PKHD1L1: variants seen among roughly 807,000 people sequenced by gnomAD.
PKHD1L1 encodes PKHD1 like 1, also known as fibrocystin-L.
Under a neutral mutation model 462.9 loss-of-function variants are expected in PKHD1L1, and 434 were observed. The ratio of observed to expected loss-of-function variants is 0.94; its 90% CI spans 0.87 to 1.02. The LOEUF (loss-of-function observed/expected upper bound fraction) is 1.02. Among genes scored for constraint, PKHD1L1 ranks in the 50% least tolerant of loss-of-function variants. PKHD1L1 has a pLI of 0.00. For synonymous variants in PKHD1L1, 1,781 were observed against 1,750.0 expected (o/e 1.02, Z -0.44); for missense variants, 5,202 against 5,096.1 (o/e 1.02, Z -0.63).
In PKHD1L1 at chr8:109,445,329, C is replaced by A. The variant is rs1416888167; in HGVS notation, c.5460C>A (p.Gly1820=). 1.2e-6 allele frequency: 2 copies of A among 1,613,976 alleles called. No homozygotes were observed. The highest frequency in any genetic ancestry group is 2.2e-5 in the South Asian group (2 of 91,076). Residue 1820 remains glycine, a synonymous_variant, in exon 38 of 78, where the codon GGC becomes GGA. Transcript: ENST00000378402. ...TTAGTGTTGTGGTGGGAAGTAAAGG[C>A]TTGGCTCTGGGAAACCTGACTGTCA... ...HSVSVVVGSK[G]LALGNLTVSS...
intron 76 of PKHD1L1, among the ~76,000 whole-genome samples, chr8:109,523,922 A>G (rs888952060): frequency 2.0e-5 from 3 of 152,208 alleles, no homozygotes; most frequent in African/African-American, 7.2e-5. Flanking sequence ...GTGATTTTTC[A>G]GAAAGTGTGC....
At chr8:109,480,256 C>G (rs1248809461) in intron 55 of PKHD1L1, 117 bp downstream of exon 55, 2 of 1,096,504 alleles carry the variant, frequency 1.8e-6, no homozygotes, top group Non-Finnish European at 2.6e-6. Flanking sequence ...ACAACTGGCT[C>G]TATCCCATTA....
At chr8:109,453,982 G>A (rs562094379) in intron 43 of PKHD1L1, among the ~76,000 whole-genome samples, 185 bp from the exon 44 acceptor site, 2 of 152,160 alleles carry the variant, frequency 1.3e-5, no homozygotes, top group East Asian at 1.9e-4. Flanking sequence ...GAGTTTTTAT[G>A]CTTTTATGTT....
chr8:109,423,439 G>A (rs1276404080), intron 23 of PKHD1L1, among the ~76,000 whole-genome samples: 1 of 152,064 alleles, frequency 6.6e-6, no homozygotes, highest in Non-Finnish European at 1.5e-5. Context: ...TCATATTTGT[G>A]TGGGCATATT....
intron 4 of PKHD1L1, among the ~76,000 whole-genome samples, chr8:109,383,424 A>T (rs530568171): frequency 1.0e-3 from 127 of 121,838 alleles, no homozygotes; most frequent in African/African-American, 3.5e-3. Context: ...TATTATATAT[A>T]ATATATAATA....
At position 109,436,388 on chromosome 8, in the gene PKHD1L1, G is replaced by A; in HGVS notation, c.3556G>A (p.Val1186Ile). ...ATTTGGCTTTAATGAAAATTCAAAG[G>A]TATTAGTTGGAAATGAAACCTGCAA... ...SGFGFNENSK[V>I]LVGNETCNVI... Residue 1186 changes from valine (V) to isoleucine (I), a missense_variant, in exon 30 of 78, where the codon GTA becomes ATA. Val to Ile is a conservative substitution (Grantham distance 29, BLOSUM62 3). Transcript: ENST00000378402. 2 of 1,613,348 alleles carry A rather than the reference G, an allele frequency of 1.2e-6. No homozygotes were observed. The highest frequency in any genetic ancestry group is 1.1e-5 in the South Asian group (1 of 91,008).
chr8:109,480,060 T>G lies in PKHD1L1; in HGVS notation c.9248T>G (p.Leu3083Arg). 6.3e-7 allele frequency: 1 copy of G among 1,591,536 alleles called. No homozygotes were observed. The highest frequency in any genetic ancestry group is 8.6e-7 in the Non-Finnish European group (1 of 1,169,282). Reference sequence around the variant, plus strand: ...CTCATTATTTGGGGGGTTCTAGAACTGGAAGATAAATACAATGTAGGAGCT... The same window carrying G: ...CTCATTATTTGGGGGGTTCTAGAACGGGAAGATAAATACAATGTAGGAGCT... ...ERLIIWGVLE[L>R]EDKYNVGAAE... Residue 3083 changes from leucine to arginine, a missense_variant, in exon 55 of 78, where the codon CTG becomes CGG. This residue lies in a region of PKHD1L1 where 4,497 missense variants were observed against 4,336.8 expected (regional missense o/e 1.04). Transcript: ENST00000378402.
At chr8:109,446,025 T>A (rs992575090) in intron 38 of PKHD1L1, among the ~76,000 whole-genome samples, 2 of 152,198 alleles carry the variant, frequency 1.3e-5, no homozygotes, top group Non-Finnish European at 2.9e-5. Flanking sequence ...TGAGAGTGTT[T>A]CAGAGTACCT....
rs530960463 is a variant in PKHD1L1, at chr8:109,409,589, A to G, written c.1972-276A>G. On this transcript the variant is annotated intron_variant, in intron 18 of 77. Coordinates refer to ENST00000378402, the MANE Select transcript of PKHD1L1 (RefSeq NM_177531.6). ...GCTTCATTGCTCTCTTTAAAAAGGTACTAAACAAATATGTCTGCCTTATAA... is the reference window on the plus strand; with the variant it reads ...GCTTCATTGCTCTCTTTAAAAAGGTGCTAAACAAATATGTCTGCCTTATAA... Among the ~76,000 whole-genome samples, 301 of 152,330 alleles carry G rather than the reference A, an allele frequency of 2.0e-3. 1 individual carries two copies. The highest frequency in any genetic ancestry group is 0.01 in the Middle Eastern group (3 of 294).
intron 6 of PKHD1L1, among the ~76,000 whole-genome samples, chr8:109,387,365 A>ACC (rs945366506): frequency 1.3e-5 from 2 of 152,206 alleles, no homozygotes; most frequent in Non-Finnish European, 2.9e-5. Context: ...AGATACGCAT[A>ACC]CCCAGATCAC....
chr8:109,464,793 G>T lies in PKHD1L1; in HGVS notation c.7961G>T (p.Trp2654Leu). 6.2e-7 allele frequency: 1 copy of T among 1,613,704 alleles called. No homozygotes were observed. The highest frequency in any genetic ancestry group is 8.5e-7 in the Non-Finnish European group (1 of 1,179,786). Residue 2654 changes from tryptophan (W) to leucine (L), a missense_variant, in exon 49 of 78, where the codon TGG (tryptophan) becomes TTG (leucine). By Grantham distance (61) the Trp-to-Leu change is moderately conservative (BLOSUM62 -2). Around this residue, in one of 3 missense-constraint regions of PKHD1L1, gnomAD observed 4,497 missense variants for 4,336.8 expected, o/e 1.04. Coordinates refer to ENST00000378402, the MANE Select transcript of PKHD1L1 (RefSeq NM_177531.6). ...APAIFNSLTT[W>L]NCQKGAEWVN... ...GCAATATTTAACTCACTTACTACTT[G>T]GAATTGTCAAAAAGGAGCTGAATGG...
chr8:109,394,990 C>T (rs1563733968), intron 10 of PKHD1L1, among the ~76,000 whole-genome samples: 1 of 152,224 alleles, frequency 6.6e-6, no homozygotes, highest in Non-Finnish European at 1.5e-5. Flanking sequence ...ACACAGTGCT[C>T]TGCAGAATAC....
intron 67 of PKHD1L1, among the ~76,000 whole-genome samples, chr8:109,500,015 G>A (rs1819320848): frequency 6.6e-6 from 1 of 152,094 alleles, no homozygotes; most frequent in Admixed American, 6.5e-5. Context: ...GCTCCTTTTT[G>A]GCTAAGCTAA....
chr8:109,396,942 C>A (rs753497968), intron 11 of PKHD1L1, among the ~76,000 whole-genome samples: 6 of 152,148 alleles, frequency 3.9e-5, no homozygotes, highest in Non-Finnish European at 8.8e-5. Flanking sequence ...ATTAAGCAAC[C>A]TCATGTAATA....
chr8:109,466,290 T>C (rs1011807746), intron 49 of PKHD1L1, among the ~76,000 whole-genome samples: 2 of 152,320 alleles, frequency 1.3e-5, no homozygotes, highest in African/African-American at 2.4e-5. Context: ...AAATCCTCTG[T>C]GTCCTTGAAT....
chr8:109,378,551 A>C (rs1225801028), intron 2 of PKHD1L1, among the ~76,000 whole-genome samples: 1 of 152,030 alleles, frequency 6.6e-6, no homozygotes, highest in Non-Finnish European at 1.5e-5. Context: ...CCTCTGAAAA[A>C]CTTCCATGAC....
intron 49 of PKHD1L1, among the ~76,000 whole-genome samples, chr8:109,465,553 A>G (rs7008100): frequency 0.024 from 3,642 of 152,296 alleles, 132 homozygotes; most frequent in African/African-American, 0.083. Flanking sequence ...AAACCATTTC[A>G]GTTTTAGAAT....
intron 2 of PKHD1L1, 95 bp downstream of exon 2, chr8:109,364,731 C>G: frequency 3.8e-6 from 3 of 796,788 alleles, no homozygotes; most frequent in Non-Finnish European, 5.8e-6. Context: ...AACAAACAAG[C>G]ACCACTGGAG....
chr8:109,440,166 A>G (rs1452906755), intron 32 of PKHD1L1, among the ~76,000 whole-genome samples: 4 of 152,082 alleles, frequency 2.6e-5, no homozygotes, highest in Admixed American at 6.6e-5. Context: ...AAAAGAATTT[A>G]CATTTTGATG....
Sources: allele counts gnomAD v4.1 joint callset (sites outside exome capture counted in the v4.1 genomes callset), GRCh38; gene constraint gnomAD v4.1.1; regional missense constraint gnomAD v4.1.1; transcripts MANE v1.5; gene names NCBI Gene and HGNC (gene_info 2026-07-23, HGNC 2026-07-21).